The following EYA4 variants were observed in gnomAD, a reference collection of about 807,000 sequenced individuals.
EYA4 encodes the protein EYA transcriptional coactivator and phosphatase 4, also known as protein phosphatase EYA4.
In EYA4, 31 loss-of-function variants were observed where a neutral mutation model predicts 87.9. The observed-to-expected ratio is 0.35, with a 90% CI of 0.27 to 0.48. The LOEUF (loss-of-function observed/expected upper bound fraction) is 0.48, where lower values mean the gene tolerates loss of function less well. Ranked by LOEUF, EYA4 falls within the 20% of genes least tolerant of loss-of-function variation. The pLI, the probability that EYA4 is intolerant of heterozygous loss-of-function variation, is 0.99. For missense variants in EYA4, 678 were observed against 761.4 expected, an observed-to-expected ratio of 0.89 and a Z score of 1.29; for synonymous variants, 263 against 270.6, an observed-to-expected ratio of 0.97 and a Z score of 0.28.
At chr6:133,390,231 A>AT (rs34950348) in intron 3 of EYA4, among the ~76,000 whole-genome samples, 18,973 of 151,838 alleles carry the variant, frequency 0.12, 1,419 homozygotes, top group East Asian at 0.2. Context: ...TTTTATTTTT[A>AT]TTTTTTGAGA....
At chr6:133,279,544 T>G (rs747072432) in intron 2 of EYA4, among the ~76,000 whole-genome samples, 6 of 152,190 alleles carry the variant, frequency 3.9e-5, no homozygotes, top group Non-Finnish European at 8.8e-5. Context: ...AGTAATACTT[T>G]TGGAAATTTG....
Position 133,250,599 on chromosome 6 carries a change from A to C in EYA4, c.-66+8850A>C, listed in dbSNP as rs1034877538. Reference sequence around the variant, plus strand: ...AGAGGTTGCAGTGAGCTGAGATTGCACCATTGCACTCCAGCCTGGACAACA... The same window carrying C: ...AGAGGTTGCAGTGAGCTGAGATTGCCCCATTGCACTCCAGCCTGGACAACA... On this transcript the variant is annotated intron_variant, in intron 1 of 19. Transcript: ENST00000355286. Among the ~76,000 whole-genome samples, 5 of 152,216 alleles carry C rather than the reference A, an allele frequency of 3.3e-5. No homozygotes were observed. The East Asian group carries it at 9.7e-4, about 29-fold the overall frequency.
intron 10 of EYA4, among the ~76,000 whole-genome samples, chr6:133,465,493 G>C (rs544396328): frequency 6.6e-6 from 1 of 152,164 alleles, no homozygotes; most frequent in East Asian, 1.9e-4. Flanking sequence ...ATTTTTGTGA[G>C]TTTTAAAATC....
At chr6:133,516,030 G>T (rs987487132) in intron 17 of EYA4, among the ~76,000 whole-genome samples, 1 of 152,138 alleles carries the variant, frequency 6.6e-6, no homozygotes, top group African/African-American at 2.4e-5. Context: ...GTACAACCAG[G>T]TGCCAAATAT....
intron 2 of EYA4, among the ~76,000 whole-genome samples, chr6:133,303,090 G>A (rs1779537673): frequency 6.6e-6 from 1 of 152,118 alleles, no homozygotes; most frequent in Non-Finnish European, 1.5e-5. Context: ...TGGTATATGG[G>A]CAGTTATTTG....
intron 3 of EYA4, among the ~76,000 whole-genome samples, chr6:133,385,389 CTCTGTGTGTGTGTGTGTGTGTGTGTGTG>C (rs1786641823): frequency 1.5e-5 from 1 of 64,940 alleles, no homozygotes; most frequent in Non-Finnish European, 4.1e-5. Flanking sequence ...TGTATGCTCT[CTCTGTGTGTGTGTGTGTGTGTGTGTGTG>C]TGTGTGTGTG....
intron 2 of EYA4, among the ~76,000 whole-genome samples, chr6:133,330,289 G>T (rs1781821566): frequency 2.0e-5 from 3 of 151,984 alleles, no homozygotes; most frequent in African/African-American, 7.2e-5. Flanking sequence ...GAAATGCTGT[G>T]ATTCTCCTAT....
At chr6:133,243,971 C>T (rs1774196564) in intron 1 of EYA4, among the ~76,000 whole-genome samples, 1 of 152,124 alleles carries the variant, frequency 6.6e-6, no homozygotes, top group Admixed American at 6.6e-5. Context: ...ATAGTTTGTT[C>T]CACCTGATTA....
At chr6:133,268,550 A>C (rs987048512) in intron 1 of EYA4, among the ~76,000 whole-genome samples, 5 of 152,184 alleles carry the variant, frequency 3.3e-5, no homozygotes, top group African/African-American at 1.2e-4. Context: ...AGGGATTGAC[A>C]TGAGGTGGGC....
intron 1 of EYA4, among the ~76,000 whole-genome samples, chr6:133,259,674 C>T (rs1775632948): frequency 6.6e-6 from 1 of 152,156 alleles, no homozygotes. Context: ...TTAGTATTCA[C>T]TATAGACACA....
chr6:133,452,777 A>G (rs1793572435), intron 5 of EYA4: 1 of 152,142 alleles, frequency 6.6e-6, no homozygotes, highest in South Asian at 2.1e-4. Flanking sequence ...GGGACCTGAC[A>G]GTACAAGGAT....
intron 1 of EYA4, among the ~76,000 whole-genome samples, chr6:133,245,982 T>C (rs563794034): frequency 6.6e-6 from 1 of 152,296 alleles, no homozygotes; most frequent in African/African-American, 2.4e-5. Flanking sequence ...ATACTGAAAA[T>C]GAACACTACT....
At chr6:133,338,041 C>T (rs539567940) in intron 2 of EYA4, among the ~76,000 whole-genome samples, 49 of 152,294 alleles carry the variant, frequency 3.2e-4, no homozygotes, top group African/African-American at 1.1e-3. Context: ...ACTACCCAGC[C>T]TGCCATCTAC....
At chr6:133,327,233 G>A (rs1435213190) in intron 2 of EYA4, among the ~76,000 whole-genome samples, 1 of 152,022 alleles carries the variant, frequency 6.6e-6, no homozygotes, top group Non-Finnish European at 1.5e-5. Flanking sequence ...TCCCTCCCAG[G>A]TTCAAGCAGT....
At chr6:133,284,000 A>G (rs1777833913) in intron 2 of EYA4, among the ~76,000 whole-genome samples, 1 of 152,166 alleles carries the variant, frequency 6.6e-6, no homozygotes, top group South Asian at 2.1e-4. Context: ...CATCCATGCT[A>G]CTGCTAAAGA....
At chr6:133,506,015 C>T in intron 13 of EYA4, 91 bp from the exon 14 acceptor site, 1 of 827,092 alleles carries the variant, frequency 1.2e-6, no homozygotes, top group Non-Finnish European at 2.1e-6. Context: ...AGTCTTCTCC[C>T]TCTTCCACCA....
chr6:133,523,858 A>G (rs758610729), intron 18 of EYA4, among the ~76,000 whole-genome samples: 11 of 152,166 alleles, frequency 7.2e-5, no homozygotes, highest in African/African-American at 1.7e-4. Flanking sequence ...ACTGTCTGTC[A>G]AGGAAATACT....
intron 2 of EYA4, among the ~76,000 whole-genome samples, chr6:133,336,109 G>A (rs548364627): frequency 1.3e-5 from 2 of 152,164 alleles, no homozygotes; most frequent in East Asian, 3.9e-4. Flanking sequence ...AAGAATGATG[G>A]GGTGTCACCA....
chr6:133,406,327 A>G (rs977594925), intron 3 of EYA4, among the ~76,000 whole-genome samples: 3 of 152,238 alleles, frequency 2.0e-5, no homozygotes, highest in Non-Finnish European at 4.4e-5. Flanking sequence ...GGCCAGAGAA[A>G]CAGCTAGAGA....
Sources: allele counts gnomAD v4.1 joint callset (sites outside exome capture counted in the v4.1 genomes callset), GRCh38; gene constraint gnomAD v4.1.1; transcripts MANE v1.5; gene names NCBI Gene and HGNC (gene_info 2026-07-23, HGNC 2026-07-21).